The following CELF2 variants were observed in gnomAD, a reference collection of about 807,000 sequenced individuals.
CELF2 encodes CUGBP Elav-like family member 2.
Under a neutral mutation model 62.6 loss-of-function variants are expected in CELF2, and 8 were observed. The ratio of observed to expected loss-of-function variants is 0.13; its 90% CI spans 0.07 to 0.23. The LOEUF is 0.23. Ranked by LOEUF, CELF2 falls within the 10% of genes least tolerant of loss-of-function variation. CELF2 has a pLI of 1.00. For synonymous variants in CELF2, 258 were observed against 250.0 expected (o/e 1.03, Z -0.30); for missense variants, 333 against 671.0 (o/e 0.50, Z 5.56).
chr10:11,214,060 G>A lies in CELF2; in HGVS notation c.272-3365G>A, dbSNP rs1167225014. On this transcript the variant is annotated intron_variant, in intron 2 of 12. Transcript: ENST00000633077. The surrounding 1 kb of genome is among the most constrained non-coding windows in gnomAD (Gnocchi z 4.2). Reference sequence around the variant, plus strand: ...GGGCTTTGGGAGGCCGAGGTGGGAGGACCACTTGAGGCCAGGAGTCCAAGA... The same window carrying A: ...GGGCTTTGGGAGGCCGAGGTGGGAGAACCACTTGAGGCCAGGAGTCCAAGA... 2.0e-5 allele frequency among the ~76,000 whole-genome samples: 3 copies of A among 152,086 alleles called. No homozygotes were observed. Among genetic ancestry groups the A allele is most frequent in the Admixed American group, 1.3e-4 (2 of 15,280 alleles).
At position 11,316,566 on chromosome 10, in the gene CELF2, G is replaced by C. The variant is rs541626670; in HGVS notation, c.1096+2308G>C. 2.0e-5 allele frequency among the ~76,000 whole-genome samples: 3 copies of C among 152,316 alleles called. No individual in the cohort carries two copies. In the South Asian group the frequency reaches 6.2e-4, roughly 32 times the overall value. ...TCGTCAAGCAGTGGTTACCTGGACAGAGTCAGCTTCTCAAATAGTTGACGG... is the reference window on the plus strand; with the variant it reads ...TCGTCAAGCAGTGGTTACCTGGACACAGTCAGCTTCTCAAATAGTTGACGG... On this transcript the variant is annotated intron_variant, in intron 10 of 12. Coordinates refer to ENST00000633077, the MANE Select transcript of CELF2 (RefSeq NM_001326342.2). This position sits in a 1 kb window ranked among gnomAD's most constrained non-coding sequence, Gnocchi z 4.4.
At chr10:11,212,978 A>T (rs1028541117) in intron 2 of CELF2, among the ~76,000 whole-genome samples, 23 of 152,182 alleles carry the variant, frequency 1.5e-4, no homozygotes, top group African/African-American at 5.3e-4. Context: ...GAAATAGGTG[A>T]AGCAGCAGAA....
chr10:11,125,345 T>G (rs1222113170), intron 1 of CELF2, among the ~76,000 whole-genome samples: 1 of 152,084 alleles, frequency 6.6e-6, no homozygotes, highest in African/African-American at 2.4e-5. Context: ...AATCGGGATT[T>G]TTCAGTGTCC....
chr10:11,073,530 AG>A (rs1325109775), intron 1 of CELF2, among the ~76,000 whole-genome samples: 1 of 152,248 alleles, frequency 6.6e-6, no homozygotes, highest in Non-Finnish European at 1.5e-5. Context: ...GGCTTGTGAT[AG>A]TTATAAAAAT....
At chr10:11,274,740 A>G (rs544740722) in intron 7 of CELF2, among the ~76,000 whole-genome samples, 1 of 152,364 alleles carries the variant, frequency 6.6e-6, no homozygotes, top group East Asian at 1.9e-4. Context: ...AGTTACGGTA[A>G]CTGCTAGACT....
chr10:10,807,194 C>G (rs563338912), intron 1 of CELF2, among the ~76,000 whole-genome samples: 2 of 152,362 alleles, frequency 1.3e-5, no homozygotes, highest in East Asian at 3.9e-4. Flanking sequence ...ACTTCACCTT[C>G]AATACCTGTA....
intron 1 of CELF2, among the ~76,000 whole-genome samples, chr10:11,034,766 T>C (rs906327620): frequency 2.0e-5 from 3 of 152,232 alleles, no homozygotes; most frequent in Non-Finnish European, 4.4e-5. Context: ...CAGTGGCATC[T>C]GGATTTTTAT....
intron 5 of CELF2, among the ~76,000 whole-genome samples, chr10:11,258,920 G>A (rs143817413): frequency 1.8e-3 from 270 of 152,298 alleles, no homozygotes; most frequent in African/African-American, 6.0e-3. Flanking sequence ...TCCTGACCTC[G>A]TGATCCACCC....
intron 1 of CELF2, among the ~76,000 whole-genome samples, chr10:11,042,852 G>A (rs2139588130): frequency 6.6e-6 from 1 of 152,264 alleles, no homozygotes; most frequent in South Asian, 2.1e-4. Flanking sequence ...ATTTATCCAT[G>A]TTACAGTGTA....
the CELF2 span, among the ~76,000 whole-genome samples, chr10:10,629,882 A>AAAAAAAAAAAAC: frequency 6.6e-6 from 1 of 151,178 alleles, no homozygotes; most frequent in Admixed American, 6.6e-5. Flanking sequence ...AAAAAGAAAA[A>AAAAAAAAAAAAC]AAAAAAAAAG....
intron 1 of CELF2, among the ~76,000 whole-genome samples, chr10:10,805,922 A>G (rs1185619665): frequency 6.6e-6 from 1 of 152,174 alleles, no homozygotes; most frequent in Non-Finnish European, 1.5e-5. Context: ...GCAATCAGGC[A>G]TTTAATGAGG....
the CELF2 span, among the ~76,000 whole-genome samples, chr10:10,702,974 A>C: frequency 6.6e-6 from 1 of 152,216 alleles, no homozygotes; most frequent in African/African-American, 2.4e-5. Context: ...GAGATCCTGC[A>C]GAATTCACTC....
At chr10:10,821,368 A>G (rs1199125909) in intron 1 of CELF2, among the ~76,000 whole-genome samples, 1 of 152,176 alleles carries the variant, frequency 6.6e-6, no homozygotes, top group Non-Finnish European at 1.5e-5. Context: ...GAGCCGAGCC[A>G]TTGGTTCTTG....
At position 11,157,575 on chromosome 10, in the gene CELF2, A is replaced by G. The variant is rs1279144966; in HGVS notation, c.75-7911A>G. On this transcript the variant is annotated intron_variant, in intron 1 of 12. Coordinates refer to ENST00000633077, the MANE Select transcript of CELF2 (RefSeq NM_001326342.2). The surrounding 1 kb of genome is among the most constrained non-coding windows in gnomAD (Gnocchi z 4.9). ...TTGGTTTTGGTTTTATGTTGTGTCC[A>G]TGTCTGTCTCTTCTAATTGGCCATG... is the stretch of plus-strand genomic sequence containing the variant. Among the ~76,000 whole-genome samples the G allele has an allele frequency of 1.3e-5, 2 of 152,176 alleles. No homozygotes were observed. The highest frequency in any genetic ancestry group is 2.9e-5 in the Non-Finnish European group (2 of 68,040).
chr10:10,651,249 A>C, the CELF2 span, among the ~76,000 whole-genome samples: 3 of 133,526 alleles, frequency 2.2e-5, no homozygotes, highest in African/African-American at 8.2e-5. Flanking sequence ...GATTGCTAGC[A>C]CAGCAGTATG....
the CELF2 span, among the ~76,000 whole-genome samples, chr10:10,644,161 C>A: frequency 6.6e-6 from 1 of 152,178 alleles, no homozygotes; most frequent in Non-Finnish European, 1.5e-5. Context: ...CTGTCTGCTG[C>A]CACGTGATAA....
At chr10:11,153,445 G>A (rs2063713364) in intron 1 of CELF2, among the ~76,000 whole-genome samples, 1 of 151,980 alleles carries the variant, frequency 6.6e-6, no homozygotes, top group South Asian at 2.1e-4. Context: ...GATAATAAAG[G>A]CATCCACCGA....
Position 11,119,709 on chromosome 10 carries a change from G to A in CELF2, c.75-45777G>A, listed in dbSNP as rs2057321516. Among the ~76,000 whole-genome samples, 2 of 151,970 alleles carry A rather than the reference G, an allele frequency of 1.3e-5. 1 individual carries two copies. The highest frequency in any genetic ancestry group is 4.1e-4 in the South Asian group (2 of 4,820). ...TACAAATAGACTTTTCACAGAGAAA[G>A]AAATACAAGTCGTAAATGTACACAT... On this transcript the variant is annotated intron_variant, in intron 1 of 12. Coordinates refer to ENST00000633077, the MANE Select transcript of CELF2 (RefSeq NM_001326342.2).
In CELF2 at chr10:10,995,572, T is replaced by A. The variant is rs1024895220; in HGVS notation, c.89+75573T>A. 2.6e-5 allele frequency among the ~76,000 whole-genome samples: 4 copies of A among 152,184 alleles called. No individual in the cohort carries two copies. The highest frequency in any genetic ancestry group is 9.7e-5 in the African/African-American group (4 of 41,444). On this transcript the variant is annotated intron_variant, in intron 2 of 13. Coordinates refer to the CELF2 transcript ENST00000636488. The surrounding 1 kb of genome is among the most constrained non-coding windows in gnomAD (Gnocchi z 4.7). ...GTGCCAGGTGAGAATACCTGAGAGA[T>A]GAGTTGGAGACATAGGTGGATCTCA...
Sources: gnomAD v4.1 joint callset for allele counts (sites outside exome capture counted in the v4.1 genomes callset) on GRCh38, gnomAD v4.1.1 for gene constraint, Gnocchi (gnomAD v3.1) non-coding constraint, MANE v1.5 for transcripts, NCBI Gene and HGNC (gene_info 2026-07-23, HGNC 2026-07-21) for gene names.